Variants in PPP1R16A observed in about 807,000 individuals in gnomAD.
PPP1R16A encodes protein phosphatase 1 regulatory subunit 16A, also known as myosin phosphatase-targeting subunit 3.
PPP1R16A carries 39 observed loss-of-function variants against 46.6 expected under a neutral mutation model. The ratio of observed to expected loss-of-function variants is 0.84; its 90% CI spans 0.65 to 1.09. The LOEUF is 1.09. Among genes scored for constraint, PPP1R16A ranks in the 50% least tolerant of loss-of-function variants. PPP1R16A has a pLI of 0.00. For synonymous variants in PPP1R16A, 413 were observed against 321.5 expected (o/e 1.28, Z -3.04); for missense variants, 798 against 735.6 (o/e 1.08, Z -0.98).
At chr8:144,490,802 C>T (rs528976732) in intron 2 of PPP1R16A, among the ~76,000 whole-genome samples, 2 of 152,214 alleles carry the variant, frequency 1.3e-5, no homozygotes, top group Non-Finnish European at 2.9e-5. Flanking sequence ...TGCCTGTGAT[C>T]ACAACACTTT....
intron 1 of PPP1R16A, among the ~76,000 whole-genome samples, chr8:144,486,604 G>C (rs1012119100): frequency 6.6e-6 from 1 of 152,168 alleles, no homozygotes. Flanking sequence ...TACGAATGGC[G>C]GGTGATGTTG....
chr8:144,491,434 A>C (rs530208282), intron 2 of PPP1R16A, among the ~76,000 whole-genome samples: 1 of 152,134 alleles, frequency 6.6e-6, no homozygotes, highest in South Asian at 2.1e-4. Context: ...TGGGCAACAT[A>C]GGGAAACACT....
rs2130539684 is a variant in PPP1R16A, at chr8:144,500,395, AGGGCTGGGGGGTGAGGGGCACACG to A, written c.705+15_705+38del. The A allele has an allele frequency of 2.7e-6, 4 of 1,506,272 alleles. No individual in the cohort carries two copies. The highest frequency in any genetic ancestry group is 3.5e-6 in the Non-Finnish European group (4 of 1,129,610). The allele number at this position is 1,506,272 out of a possible 1,614,324, so 93.3% of individuals were successfully genotyped here. ...CCTGGACCACGGGGCCACGCTGGTG[AGGGCTGGGGGGTGAGGGGCACACG>A]GGGCTGGGGGCCTCGCTACTTGGAG... On this transcript the variant is annotated splice_donor_5th_base_variant and intron_variant, in intron 7 of 11. Transcript: ENST00000435887.
intron 5 of PPP1R16A, chr8:144,499,804 C>T (rs1826316437): frequency 5.0e-6 from 2 of 397,542 alleles, no homozygotes; most frequent in Admixed American, 7.6e-5. Flanking sequence ...GCTCCCTGCT[C>T]CCCAGCAGGC....
At position 144,498,491 on chromosome 8, in the gene PPP1R16A, C is replaced by T. The variant is rs557527084; in HGVS notation, c.260-279C>T. ...AGGGAGGTGTGGGATTGTTGGAGTG[C>T]TGCTCTCACACAGGAGCACGGCCTG... On this transcript the variant is annotated intron_variant, in intron 3 of 11. Coordinates refer to ENST00000435887, the MANE Select transcript of PPP1R16A (RefSeq NM_001329443.2). 17 of 471,440 alleles carry T rather than the reference C, an allele frequency of 3.6e-5. No individual in the cohort carries two copies. In the South Asian group the frequency reaches 5.1e-4, roughly 14 times the overall value. 29.2% of individuals were successfully genotyped at this position (471,440 alleles called of 1,614,324 possible). A position where few individuals can be genotyped will look rare whatever the true frequency, so the allele number is the denominator to read the frequency against.
At chr8:144,498,208 C>T in intron 3 of PPP1R16A, 1 of 401,048 alleles carries the variant, frequency 2.5e-6, no homozygotes, top group Non-Finnish European at 5.2e-6. Context: ...CCACAGGGAG[C>T]TGTGGGAAGG....
At chr8:144,501,406 G>T in intron 11 of PPP1R16A, 112 bp downstream of exon 11, 3 of 1,478,610 alleles carry the variant, frequency 2.0e-6, no homozygotes, top group Middle Eastern at 3.9e-4. Context: ...CCCTGCAGGG[G>T]CCAGCTTTTG....
rs551871132 is a variant in PPP1R16A at position 144,491,996 on chromosome 8, C to A, written c.-735+1784C>A. Among the ~76,000 whole-genome samples, 9 of 152,340 alleles carry A rather than the reference C, an allele frequency of 5.9e-5. No individual in the cohort carries two copies. The South Asian group carries it at 1.9e-3, about 32-fold the overall frequency. ...GTCTTTTAGTTATAAGTTACAGGAA[C>A]CAACTCCACCAAGCCTAAGCATAAC... On this transcript the variant is annotated intron_variant, in intron 2 of 11. Coordinates refer to ENST00000435887, the MANE Select transcript of PPP1R16A (RefSeq NM_001329443.2).
At chr8:144,492,194 C>T (rs984857811) in intron 2 of PPP1R16A, among the ~76,000 whole-genome samples, 4 of 152,188 alleles carry the variant, frequency 2.6e-5, no homozygotes, top group African/African-American at 9.7e-5. Flanking sequence ...GGCACTCGGG[C>T]TTTCACCCTG....
At chr8:144,482,068 G>A (rs1825452505) in intron 1 of PPP1R16A, among the ~76,000 whole-genome samples, 1 of 146,052 alleles carries the variant, frequency 6.8e-6, no homozygotes, top group African/African-American at 2.5e-5. Flanking sequence ...GAGCCACTGT[G>A]CCCGGCTGCC....
intron 1 of PPP1R16A, among the ~76,000 whole-genome samples, chr8:144,488,116 T>A (rs183318948): frequency 6.6e-6 from 1 of 152,348 alleles, no homozygotes; most frequent in Non-Finnish European, 1.5e-5. Context: ...TGACAGCCTC[T>A]GTCTTTCCAG....
chr8:144,501,029 G>A (rs900192228), intron 10 of PPP1R16A, 58 bp downstream of exon 10: 11 of 1,501,932 alleles, frequency 7.3e-6, no homozygotes, highest in Non-Finnish European at 9.7e-6. Context: ...CGTCAGCCCC[G>A]GGCGGAGTGC....
At chr8:144,488,439 G>A (rs781625711) in intron 1 of PPP1R16A, among the ~76,000 whole-genome samples, 1 of 152,160 alleles carries the variant, frequency 6.6e-6, no homozygotes, top group Non-Finnish European at 1.5e-5. Context: ...TGGCAGCGAG[G>A]GAGGCACTGG....
At position 144,501,980 on chromosome 8, in the gene PPP1R16A, T is replaced by C. The variant is rs1024623382; in HGVS notation, c.*77T>C. On this transcript the variant is annotated 3_prime_UTR_variant, in exon 12 of 12. Coordinates refer to ENST00000435887, the MANE Select transcript of PPP1R16A (RefSeq NM_001329443.2). Reference sequence around the variant, plus strand: ...CTCCCCACGGTGCGTGCCCTGGTGCTGCGGGTGCAGCACGGAAACCCCGGC... The same window carrying C: ...CTCCCCACGGTGCGTGCCCTGGTGCCGCGGGTGCAGCACGGAAACCCCGGC... The C allele has an allele frequency of 5.9e-5, 83 of 1,404,504 alleles. No homozygotes were observed. The highest frequency in any genetic ancestry group is 1.1e-4 in the Admixed American group (4 of 36,186). The allele number at this position is 1,404,504 out of a possible 1,614,324, so 87.0% of individuals were successfully genotyped here. A position where few individuals can be genotyped will look rare whatever the true frequency, so the allele number is the denominator to read the frequency against.
Position 144,500,077 on chromosome 8 carries a change from C to G in PPP1R16A, c.477-19C>G. ...GGGGAAGGGCCTTGTGCCCAGCACC[C>G]CGTCCGTCTTCCCTGCAGTGGCGCC... On this transcript the variant is annotated intron_variant, in intron 5 of 11. Transcript: ENST00000435887. 1.3e-6 allele frequency: 2 copies of G among 1,593,508 alleles called. No homozygotes were observed. The highest frequency in any genetic ancestry group is 1.1e-5 in the South Asian group (1 of 88,080).
At chr8:144,492,775 C>T (rs1352475824) in intron 2 of PPP1R16A, among the ~76,000 whole-genome samples, 1 of 152,162 alleles carries the variant, frequency 6.6e-6, no homozygotes, top group Admixed American at 6.5e-5. Context: ...CCCTCCTCAC[C>T]ATTTCTCTGA....
chr8:144,490,828 G>A (rs1418147797), intron 2 of PPP1R16A, among the ~76,000 whole-genome samples: 1 of 152,192 alleles, frequency 6.6e-6, no homozygotes, highest in Non-Finnish European at 1.5e-5. Context: ...GCTGAGGCAG[G>A]AGGGTCGCGT....
At chr8:144,497,794 G>A (rs762714424) in intron 3 of PPP1R16A, 9 of 430,662 alleles carry the variant, frequency 2.1e-5, no homozygotes, top group Non-Finnish European at 3.1e-5. Flanking sequence ...AGGGGTGGCC[G>A]GTAGTCATTG....
In PPP1R16A at chr8:144,500,141, T is replaced by A; in HGVS notation, c.522T>A (p.Tyr174Ter). 1 of 1,612,508 alleles carries A rather than the reference T, an allele frequency of 6.2e-7. No homozygotes were observed. The change falls in exon 6 of 12, where the codon TAT becomes TAA. Residue 174 changes from tyrosine (Y) to a stop codon, truncating the protein, a stop_gained. Coordinates refer to ENST00000435887, the MANE Select transcript of PPP1R16A (RefSeq NM_001329443.2). LOFTEE classifies it high-confidence loss of function. Reference sequence around the variant, plus strand: ...TCAACACCGACGGGAACATGCCCTATGACCTGTGTGATGATGAGCAGACGC... The same window carrying A: ...TCAACACCGACGGGAACATGCCCTAAGACCTGTGTGATGATGAGCAGACGC... ...LAVNTDGNMP[Y>*]DLCDDEQTLD...
Sources: allele counts gnomAD v4.1 joint callset (sites outside exome capture counted in the v4.1 genomes callset), GRCh38; gene constraint gnomAD v4.1.1; transcripts MANE v1.5; gene names NCBI Gene and HGNC (gene_info 2026-07-23, HGNC 2026-07-21).